RBM41: variants seen among roughly 807,000 people sequenced by gnomAD.
The protein encoded by RBM41 is RNA-binding protein 41.
A neutral mutation model predicts 30.8 loss-of-function variants in RBM41; 14 were observed. That is an observed-to-expected ratio of 0.45 (90% CI 0.30 to 0.71). RBM41 has a LOEUF of 0.71. Ranked by LOEUF, RBM41 falls within the 30% of genes least tolerant of loss-of-function variation. The pLI, the probability that RBM41 is intolerant of heterozygous loss-of-function variation, is 0.08. For missense variants in RBM41, 276 were observed against 326.3 expected (o/e 0.85, Z 1.19); for synonymous variants, 120 against 110.1 (o/e 1.09, Z -0.56).
chrX:107,084,936 T>G (rs1015203168), intron 6 of RBM41, among the ~76,000 whole-genome samples: 6 of 112,366 alleles, frequency 5.3e-5, no homozygotes, highest in Non-Finnish European at 9.4e-5. Flanking sequence ...ATTATGTTTG[T>G]GAGTTTCATC....
intron 6 of RBM41, among the ~76,000 whole-genome samples, chrX:107,079,560 G>A (rs1921314338): frequency 9.0e-6 from 1 of 111,495 alleles, no homozygotes; most frequent in African/African-American, 3.3e-5. Flanking sequence ...CCATCCCTTC[G>A]ATGAGGTTGT....
chrX:107,112,394 A>C (rs1235684329), intron 5 of RBM41, among the ~76,000 whole-genome samples: 3 of 111,776 alleles, frequency 2.7e-5, no homozygotes, highest in African/African-American at 9.7e-5. Flanking sequence ...AGTGCTGACA[A>C]AGATGTAGAG....
intron 5 of RBM41, among the ~76,000 whole-genome samples, chrX:107,091,215 T>C (rs190315646): frequency 8.9e-6 from 1 of 112,334 alleles, no homozygotes; most frequent in East Asian, 2.8e-4. Context: ...TCCTCTCATA[T>C]GCTTAATATT....
intron 6 of RBM41, among the ~76,000 whole-genome samples, chrX:107,072,247 A>T (rs1300039860): frequency 4.6e-5 from 5 of 109,204 alleles, no homozygotes; most frequent in African/African-American, 1.7e-4. Flanking sequence ...CTAAAAAAAA[A>T]CCTGAAAGAG....
downstream of RBM41, among the ~76,000 whole-genome samples, chrX:107,061,292 T>G (rs1284475520): frequency 8.9e-6 from 1 of 112,119 alleles, no homozygotes; most frequent in Non-Finnish European, 1.9e-5. Flanking sequence ...TTAGGGGAAG[T>G]TGAGTGAGGA....
chrX:107,112,342 T>G lies in RBM41; in HGVS notation c.595+1055A>C, dbSNP rs181165735. On this transcript the variant is annotated intron_variant, in intron 5 of 7. Coordinates refer to ENST00000685964, the MANE Select transcript of RBM41 (RefSeq NM_001324242.2). The stretch of plus-strand genomic sequence containing the variant: ...ATTAAAACTACAATGAGGTACCACT[T>G]CACAGCTATTGAAATAACCAAAATA... Among the ~76,000 whole-genome samples the G allele has an allele frequency of 7.8e-4, 87 of 111,691 alleles. 1 individual carries two copies. Among genetic ancestry groups the G allele is most frequent in the African/African-American group, 2.6e-3 (79 of 30,871 alleles).
rs1370685112 is a variant in RBM41 at position 107,063,479 on chromosome X, A to G, written c.*4048T>C. Among the ~76,000 whole-genome samples the G allele has an allele frequency of 8.9e-6, 1 of 112,168 alleles. No homozygotes were observed. The highest frequency in any genetic ancestry group is 1.9e-5 in the Non-Finnish European group (1 of 53,243). On this transcript the variant is annotated 3_prime_UTR_variant, in exon 8 of 8. Coordinates refer to ENST00000685964, the MANE Select transcript of RBM41 (RefSeq NM_001324242.2). Reference sequence around the variant, plus strand: ...TAGAATTCATTTAAGAAGCTATTTCAGCCTGGGCTCTTCTTTGTGGGTATC... The same window carrying G: ...TAGAATTCATTTAAGAAGCTATTTCGGCCTGGGCTCTTCTTTGTGGGTATC...
Position 107,067,443 on chromosome X carries a change from A to C in RBM41, c.*84T>G, listed in dbSNP as rs985612751. On this transcript the variant is annotated 3_prime_UTR_variant, in exon 8 of 8. Transcript: ENST00000685964. ...AGTTAGTTTTTCCTCTTCAACTCCAAACAAACTGGTGTCTATACATAAATC... is the reference window on the plus strand; with the variant it reads ...AGTTAGTTTTTCCTCTTCAACTCCACACAAACTGGTGTCTATACATAAATC... The C allele has an allele frequency of 1.8e-6, 2 of 1,104,064 alleles. No individual in the cohort carries two copies. The highest frequency in any genetic ancestry group is 2.4e-6 in the Non-Finnish European group (2 of 842,621). The allele number at this position is 1,104,064 out of a possible 1,213,427, so 91.0% of individuals were successfully genotyped here.
At chrX:107,112,087 G>A (rs964564531) in intron 5 of RBM41, among the ~76,000 whole-genome samples, 1 of 111,585 alleles carries the variant, frequency 9.0e-6, no homozygotes. Context: ...ACTGTTAAGA[G>A]AATGAAAAGA....
chrX:107,100,215 C>A lies in RBM41; in HGVS notation c.596-11376G>T, dbSNP rs779257692. ...TGGTGGCTCATGCCTACAATCCCAA[C>A]ACTTTGGGAGGCTGAGGTGAGTGGA... On this transcript the variant is annotated intron_variant, in intron 5 of 7. Coordinates refer to ENST00000685964, the MANE Select transcript of RBM41 (RefSeq NM_001324242.2). Among the ~76,000 whole-genome samples, 13 of 112,482 alleles carry A rather than the reference C, an allele frequency of 1.2e-4. No homozygotes were observed. In the South Asian group the frequency reaches 4.8e-3, roughly 41 times the overall value.
rs149442711 is a variant in RBM41, at chrX:107,097,288, A to C, written c.596-8449T>G. 6.7e-3 allele frequency among the ~76,000 whole-genome samples: 753 copies of C among 112,005 alleles called. 5 individuals are homozygous for C. Among genetic ancestry groups the C allele is most frequent in the African/African-American group, 0.024 (732 of 30,827 alleles). ...AATAGCTAAAAGTGGAAACAACATA[A>C]ATGTCATCAAGTGGTGAAAAGATTA... On this transcript the variant is annotated intron_variant, in intron 5 of 7. Coordinates refer to ENST00000685964, the MANE Select transcript of RBM41 (RefSeq NM_001324242.2).
chrX:107,107,515 A>G (rs1243206850), intron 5 of RBM41, among the ~76,000 whole-genome samples: 1 of 111,925 alleles, frequency 8.9e-6, no homozygotes, highest in Non-Finnish European at 1.9e-5. Context: ...AACAAGGGAG[A>G]GGCTCTAACC....
In RBM41 at chrX:107,096,653, A is replaced by G. The variant is rs186730130; in HGVS notation, c.596-7814T>C. ...TAAGACTATAAGTACTCCAGAAAAA[A>G]AAATAGAATATCTTTCTGACCTTGA... On this transcript the variant is annotated intron_variant, in intron 5 of 7. Transcript: ENST00000685964. Among the ~76,000 whole-genome samples, 1,051 of 112,087 alleles carry G rather than the reference A, an allele frequency of 9.4e-3. 14 individuals are homozygous for G. The highest frequency in any genetic ancestry group is 0.032 in the African/African-American group (988 of 30,940).
intron 5 of RBM41, among the ~76,000 whole-genome samples, chrX:107,104,724 C>G (rs889307943): frequency 8.1e-5 from 9 of 111,203 alleles, no homozygotes; most frequent in Non-Finnish European, 1.7e-4. Flanking sequence ...GTTGAACCAG[C>G]CTTGCATCCC....
chrX:107,078,067 T>C (rs975344591), intron 6 of RBM41, among the ~76,000 whole-genome samples: 1 of 111,557 alleles, frequency 9.0e-6, no homozygotes, highest in Non-Finnish European at 1.9e-5. Context: ...TTACATTACA[T>C]TTAGACTGGG....
At chrX:107,111,641 T>C (rs1444078449) in intron 5 of RBM41, among the ~76,000 whole-genome samples, 1 of 111,671 alleles carries the variant, frequency 9.0e-6, no homozygotes, top group Non-Finnish European at 1.9e-5. Flanking sequence ...TGGAAACAAC[T>C]TAAGCATCCA....
At chrX:107,056,439 T>C in the RBM41 span, among the ~76,000 whole-genome samples, 3 of 112,259 alleles carry the variant, frequency 2.7e-5, no homozygotes, top group African/African-American at 9.7e-5. Flanking sequence ...TTTCCATTTC[T>C]TTGAAGAGTT....
intron 5 of RBM41, among the ~76,000 whole-genome samples, chrX:107,097,600 T>C (rs1923092889): frequency 8.9e-6 from 1 of 111,944 alleles, no homozygotes; most frequent in Non-Finnish European, 1.9e-5. Context: ...TTAAGTTTCC[T>C]GAGGCCTCCT....
In RBM41 at chrX:107,081,949, G is replaced by A. The variant is rs184725407; in HGVS notation, c.999+6487C>T. On this transcript the variant is annotated intron_variant, in intron 6 of 7. Coordinates refer to ENST00000685964, the MANE Select transcript of RBM41 (RefSeq NM_001324242.2). ...TTTGGGATTTTCTACACAGACATAC[G>A]TGTTACTTGTGAACAAAGAGAGTTT... 2.1e-3 allele frequency among the ~76,000 whole-genome samples: 237 copies of A among 111,960 alleles called. 1 individual carries two copies. Among genetic ancestry groups the A allele is most frequent in the African/African-American group, 7.2e-3 (223 of 30,921 alleles).
Sources: allele counts gnomAD v4.1 joint callset (sites outside exome capture counted in the v4.1 genomes callset), GRCh38; gene constraint gnomAD v4.1.1; transcripts MANE v1.5; gene names NCBI Gene and HGNC (gene_info 2026-07-23, HGNC 2026-07-21).